The following KLHDC1 variants were observed in gnomAD, a reference collection of about 807,000 sequenced individuals.
The protein encoded by KLHDC1 is kelch domain-containing protein 1.
In KLHDC1, 53 loss-of-function variants were observed where a neutral mutation model predicts 68.3. The observed-to-expected ratio is 0.78, with a 90% confidence interval of 0.62 to 0.98. The LOEUF is 0.98. KLHDC1 is among the 50% of genes least tolerant of loss of function. The pLI is 0.00. For synonymous variants in KLHDC1, 148 were observed against 159.0 expected, an observed-to-expected ratio of 0.93 and a Z score of 0.52; for missense variants, 470 against 492.3, an observed-to-expected ratio of 0.95 and a Z score of 0.43.
chr14:49,727,523 T>C (rs1267380510), intron 6 of KLHDC1, among the ~76,000 whole-genome samples: 3 of 152,150 alleles, frequency 2.0e-5, no homozygotes, highest in Non-Finnish European at 4.4e-5. Flanking sequence ...TTCATGGAAA[T>C]GATGGGAAGG....
At chr14:49,709,563 A>C in intron 2 of KLHDC1, 146 bp from the exon 3 acceptor site, 1 of 465,574 alleles carries the variant, frequency 2.1e-6, no homozygotes, top group South Asian at 5.2e-5. Flanking sequence ...GGATCTTCTT[A>C]GAGTTTTTAC....
intron 11 of KLHDC1, among the ~76,000 whole-genome samples, chr14:49,741,114 C>T (rs1311076571): frequency 6.6e-6 from 1 of 151,852 alleles, no homozygotes; most frequent in Non-Finnish European, 1.5e-5. Context: ...ATATTTTTAT[C>T]TAATATTTGA....
intron 1 of KLHDC1, among the ~76,000 whole-genome samples, chr14:49,704,614 T>G (rs1397645271): frequency 6.6e-6 from 1 of 152,042 alleles, no homozygotes; most frequent in Non-Finnish European, 1.5e-5. Flanking sequence ...TGGGCTGGCC[T>G]TGAACTCCTG....
chr14:49,707,182 G>GT lies in KLHDC1; in HGVS notation c.97-1970dup, dbSNP rs1040438883. Among the ~76,000 whole-genome samples the GT allele has an allele frequency of 1.3e-4, 20 of 151,310 alleles. 1 individual carries two copies. Among genetic ancestry groups the GT allele is most frequent in the Admixed American group, 1.3e-3 (19 of 15,136 alleles). Reference sequence around the variant, plus strand: ...GTATATGGTGAAAGATAGGAATCTAGTTTTTTTCTTTTGCACCATCTATTG... The same window carrying GT: ...GTATATGGTGAAAGATAGGAATCTAGTTTTTTTTCTTTTGCACCATCTATTG... On this transcript the variant is annotated intron_variant, in intron 1 of 12. Coordinates refer to ENST00000359332, the MANE Select transcript of KLHDC1 (RefSeq NM_172193.3).
intron 4 of KLHDC1, among the ~76,000 whole-genome samples, chr14:49,710,684 A>G (rs895232036): frequency 9.9e-5 from 15 of 152,186 alleles, no homozygotes; most frequent in Non-Finnish European, 8.8e-5. Context: ...CAATAAAACT[A>G]GATGGTAGCC....
chr14:49,734,579 G>T lies in KLHDC1; in HGVS notation c.824-10G>T, dbSNP rs766992678. On this transcript the variant is annotated splice_polypyrimidine_tract_variant and intron_variant, in intron 9 of 12. Transcript: ENST00000359332. Reference sequence around the variant, plus strand: ...CTAATCTTAATTTCTGAACTGTCATGATATTGCAGGTGATGGTTGGATTCA... The same window carrying T: ...CTAATCTTAATTTCTGAACTGTCATTATATTGCAGGTGATGGTTGGATTCA... 33 of 1,538,574 alleles carry T rather than the reference G, an allele frequency of 2.1e-5. No homozygotes were observed. The East Asian group carries it at 7.7e-4, about 36-fold the overall frequency.
intron 4 of KLHDC1, among the ~76,000 whole-genome samples, chr14:49,722,074 A>T (rs984619118): frequency 1.3e-5 from 2 of 152,180 alleles, no homozygotes; most frequent in Non-Finnish European, 1.5e-5. Flanking sequence ...CCTGAAGATT[A>T]TGCGAAAGAG....
At chr14:49,711,317 T>A (rs1275122466) in intron 4 of KLHDC1, among the ~76,000 whole-genome samples, 19 of 152,206 alleles carry the variant, frequency 1.2e-4, no homozygotes, top group Admixed American at 1.2e-3. Flanking sequence ...TTCTCTTGCC[T>A]CAGCCTCCCG....
rs1375929381 is a variant in KLHDC1, at chr14:49,723,970, GTT to G, written c.483+20_483+21del. The G allele has an allele frequency of 4.1e-6, 6 of 1,477,516 alleles. No homozygotes were observed. Among genetic ancestry groups the G allele is most frequent in the Non-Finnish European group, 5.6e-6 (6 of 1,067,682 alleles). 91.5% of individuals were successfully genotyped at this position (1,477,516 alleles called of 1,614,324 possible). On this transcript the variant is annotated intron_variant, in intron 5 of 12. Coordinates refer to ENST00000359332, the MANE Select transcript of KLHDC1 (RefSeq NM_172193.3). ...CATCTTGGGTAAGATAGTAATCACT[GTT>G]TACATTTTCCTCCAAGTCAGTATAG...
At chr14:49,693,919 A>G (rs531558853) in intron 1 of KLHDC1, among the ~76,000 whole-genome samples, 20 of 150,052 alleles carry the variant, frequency 1.3e-4, no homozygotes, top group Non-Finnish European at 2.2e-4. Flanking sequence ...ATGCCTGGCT[A>G]ATTTTGTATT....
chr14:49,741,453 G>A (rs1426029800), intron 11 of KLHDC1, among the ~76,000 whole-genome samples: 6 of 151,750 alleles, frequency 4.0e-5, no homozygotes, highest in Admixed American at 1.3e-4. Context: ...TTACAGGCGT[G>A]TGCCACAACG....
At chr14:49,706,226 C>T (rs919304978) in intron 1 of KLHDC1, among the ~76,000 whole-genome samples, 3 of 152,104 alleles carry the variant, frequency 2.0e-5, no homozygotes, top group East Asian at 3.8e-4. Context: ...CATGTAAGAA[C>T]ATGTGATGTT....
intron 6 of KLHDC1, among the ~76,000 whole-genome samples, 199 bp from the exon 7 acceptor site, chr14:49,728,727 G>C (rs1490526059): frequency 6.6e-6 from 1 of 152,176 alleles, no homozygotes; most frequent in Non-Finnish European, 1.5e-5. Flanking sequence ...AAAGATCAGG[G>C]AGAATAAAAT....
chr14:49,720,432 T>G (rs1407350313), intron 4 of KLHDC1, among the ~76,000 whole-genome samples: 1 of 152,178 alleles, frequency 6.6e-6, no homozygotes, highest in Admixed American at 6.5e-5. Flanking sequence ...GCCTCCATCT[T>G]TTTTGTGACA....
chr14:49,711,247 G>A (rs1888191955), intron 4 of KLHDC1, among the ~76,000 whole-genome samples: 1 of 151,982 alleles, frequency 6.6e-6, no homozygotes, highest in Admixed American at 6.6e-5. Flanking sequence ...TGTCGCCTAG[G>A]CTGGAGCGCA....
intron 4 of KLHDC1, among the ~76,000 whole-genome samples, chr14:49,723,035 AG>A (rs1888571969): frequency 7.1e-6 from 1 of 141,102 alleles, no homozygotes; most frequent in South Asian, 2.4e-4. Flanking sequence ...TGCCTTGAGC[AG>A]AGATCACGCC....
At chr14:49,733,013 A>G (rs1367527963) in intron 9 of KLHDC1, among the ~76,000 whole-genome samples, 197 bp downstream of exon 9, 1 of 152,156 alleles carries the variant, frequency 6.6e-6, no homozygotes, top group Non-Finnish European at 1.5e-5. Flanking sequence ...TTTCTAGGGA[A>G]AGAGAAGAGG....
rs367938596 is a variant in KLHDC1, at chr14:49,693,768, A to T, written c.96+478A>T. On this transcript the variant is annotated intron_variant, in intron 1 of 12. Transcript: ENST00000359332. ...TTTTTCTTTTTTTTTTTTTTTTGAG[A>T]TGGAGTTTCGCTCTTGTTGCCCAGG... Among the ~76,000 whole-genome samples, 5 of 18,090 alleles carry T rather than the reference A, an allele frequency of 2.8e-4. 1 individual carries two copies. The highest frequency in any genetic ancestry group is 1.3e-3 in the Admixed American group (3 of 2,344). 11.9% of individuals were successfully genotyped at this position (18,090 alleles called of 152,430 possible).
intron 1 of KLHDC1, among the ~76,000 whole-genome samples, chr14:49,700,448 G>A (rs1887872026): frequency 6.6e-6 from 1 of 152,128 alleles, no homozygotes; most frequent in South Asian, 2.1e-4. Flanking sequence ...GTTGGGCATG[G>A]TAGTGTGCTT....
Sources: gnomAD v4.1 joint callset for allele counts (sites outside exome capture counted in the v4.1 genomes callset) on GRCh38, gnomAD v4.1.1 for gene constraint, MANE v1.5 for transcripts, NCBI Gene and HGNC (gene_info 2026-07-23, HGNC 2026-07-21) for gene names.